Variants in HTRA3 observed in about 807,000 individuals in gnomAD.
HTRA3 encodes the protein HtrA serine peptidase 3.
HTRA3 carries 41 observed loss-of-function variants against 43.2 expected under a neutral mutation model. The observed-to-expected ratio is 0.95, with a 90% confidence interval of 0.74 to 1.23. HTRA3 has a LOEUF of 1.23. HTRA3 is among the 50% of genes most tolerant of loss of function. The pLI is 0.00. For synonymous variants in HTRA3, 295 were observed against 287.9 expected (o/e 1.02, Z -0.25); for missense variants, 628 against 647.1 (o/e 0.97, Z 0.32).
intron 2 of HTRA3, among the ~76,000 whole-genome samples, chr4:8,284,510 C>T (rs1712882005): frequency 6.6e-6 from 1 of 152,230 alleles, no homozygotes; most frequent in South Asian, 2.1e-4. Flanking sequence ...CCGGCTGTGA[C>T]CCCTGACCTG....
intron 1 of HTRA3, among the ~76,000 whole-genome samples, chr4:8,272,807 A>T (rs1712345070): frequency 6.6e-6 from 1 of 152,202 alleles, no homozygotes; most frequent in South Asian, 2.1e-4. Context: ...CCACGGAGCC[A>T]GGTGGGGAAA....
intron 1 of HTRA3, among the ~76,000 whole-genome samples, chr4:8,282,055 TGAG>T (rs1371880924): frequency 6.6e-6 from 1 of 152,116 alleles, no homozygotes; most frequent in Non-Finnish European, 1.5e-5. Context: ...TGCTGTAGCA[TGAG>T]GGAACAGACA....
At chr4:8,271,820 A>T (rs1400181861) in intron 1 of HTRA3, among the ~76,000 whole-genome samples, 1 of 151,920 alleles carries the variant, frequency 6.6e-6, no homozygotes, top group Non-Finnish European at 1.5e-5. Context: ...ACCTCCTAAC[A>T]CCCCACCTTT....
Position 8,306,170 on chromosome 4 carries a change from C to T in HTRA3, c.*34C>T. 6.5e-7 allele frequency: 1 copy of T among 1,537,024 alleles called. No homozygotes were observed. The highest frequency in any genetic ancestry group is 8.8e-7 in the Non-Finnish European group (1 of 1,137,086). ...TTCCTCCAGCGCCAAGCGTCAGAGC[C>T]TGCAGACAACGGAGGGCAGCGCCCC... is the stretch of plus-strand genomic sequence containing the variant. On this transcript the variant is annotated 3_prime_UTR_variant, in exon 9 of 9. Transcript: ENST00000307358. The surrounding 1 kb of genome is among the most constrained non-coding windows in gnomAD (Gnocchi z 8.9).
intron 5 of HTRA3, 102 bp downstream of exon 5, chr4:8,292,455 AAC>A (rs1713286760): frequency 3.0e-6 from 3 of 988,486 alleles, no homozygotes; most frequent in Admixed American, 4.0e-5. Flanking sequence ...ATGGTCCTAG[AAC>A]ATTTACACCA....
chr4:8,286,421 G>T lies in HTRA3; in HGVS notation c.486-140G>T. 1 of 710,086 alleles carries T rather than the reference G, an allele frequency of 1.4e-6. No individual in the cohort carries two copies. The highest frequency in any genetic ancestry group is 2.5e-5 in the East Asian group (1 of 39,330). The allele number at this position is 710,086 out of a possible 1,614,324, so 44.0% of individuals were successfully genotyped here. A position where few individuals can be genotyped will look rare whatever the true frequency, so the allele number is the denominator to read the frequency against. On this transcript the variant is annotated intron_variant, in intron 2 of 8. Coordinates refer to ENST00000307358, the MANE Select transcript of HTRA3 (RefSeq NM_053044.5). This position sits in a 1 kb window ranked among gnomAD's most constrained non-coding sequence, Gnocchi z 4.9. The stretch of plus-strand genomic sequence containing the variant: ...CAGGTCACAGGGCCAGGATTCAAAT[G>T]GGAGCTTGAGGGACTCCAGACCTGT...
At chr4:8,298,144 G>A (rs1013874870) in intron 6 of HTRA3, among the ~76,000 whole-genome samples, 2 of 152,158 alleles carry the variant, frequency 1.3e-5, no homozygotes, top group Non-Finnish European at 2.9e-5. Flanking sequence ...ATCCTCCACA[G>A]ACCCTCCCAC....
At chr4:8,294,478 G>A (rs1470465120) in intron 6 of HTRA3, among the ~76,000 whole-genome samples, 2 of 151,612 alleles carry the variant, frequency 1.3e-5, no homozygotes, top group Non-Finnish European at 2.9e-5. Context: ...GGGAATCTCC[G>A]AGCTCAGCTC....
intron 1 of HTRA3, among the ~76,000 whole-genome samples, chr4:8,274,109 G>A (rs1712420095): frequency 6.6e-6 from 1 of 152,238 alleles, no homozygotes; most frequent in South Asian, 2.1e-4. Flanking sequence ...TTGACTCACA[G>A]GGCCCTGTGC....
intron 6 of HTRA3, among the ~76,000 whole-genome samples, chr4:8,301,104 T>C (rs1056186755): frequency 6.6e-6 from 1 of 151,930 alleles, no homozygotes; most frequent in Admixed American, 6.6e-5. Context: ...TTATTATTGA[T>C]TCACACTCTC....
rs1267933563 is a variant in HTRA3 at position 8,297,332 on chromosome 4, C to G, written c.1051+3131C>G. 6.6e-6 allele frequency among the ~76,000 whole-genome samples: 1 copy of G among 152,114 alleles called. No homozygotes were observed. The highest frequency in any genetic ancestry group is 1.5e-5 in the Non-Finnish European group (1 of 68,012). On this transcript the variant is annotated intron_variant, in intron 6 of 8. Transcript: ENST00000307358. This position sits in a 1 kb window ranked among gnomAD's most constrained non-coding sequence, Gnocchi z 5.8. ...TGAGTCGTGCTTTCCCCAGCTCTGGCCCAGGGGCATTACCAGGCCTCTGCT... is the reference window on the plus strand; with the variant it reads ...TGAGTCGTGCTTTCCCCAGCTCTGGGCCAGGGGCATTACCAGGCCTCTGCT...
At chr4:8,285,306 G>A (rs567012091) in intron 2 of HTRA3, among the ~76,000 whole-genome samples, 5 of 152,326 alleles carry the variant, frequency 3.3e-5, no homozygotes, top group African/African-American at 1.2e-4. Flanking sequence ...CTTGCAGGGT[G>A]CCCATGAGCA....
chr4:8,281,083 A>G (rs1712724965), intron 1 of HTRA3, among the ~76,000 whole-genome samples: 1 of 152,126 alleles, frequency 6.6e-6, no homozygotes, highest in African/African-American at 2.4e-5. Flanking sequence ...AAATAGAGGA[A>G]AAGTTTCCTT....
intron 1 of HTRA3, among the ~76,000 whole-genome samples, chr4:8,270,960 G>A (rs1402082305): frequency 6.6e-6 from 1 of 152,210 alleles, no homozygotes; most frequent in African/African-American, 2.4e-5. Flanking sequence ...TGTACGTGGA[G>A]GAAAATGCTG....
chr4:8,288,682 CCT>C lies in HTRA3; in HGVS notation c.708+1900_708+1901del, dbSNP rs200621345. Among the ~76,000 whole-genome samples, 594 of 151,846 alleles carry C rather than the reference CCT, an allele frequency of 3.9e-3. 2 individuals carry two copies. Among genetic ancestry groups the C allele is most frequent in the African/African-American group, 0.014 (564 of 41,358 alleles). Reference sequence around the variant, plus strand: ...CCACCTCCCAGGTTCAAGTAATTCCCCTGTCTCAGTCTCCCAAGTAGCTGTGA... The same window carrying C: ...CCACCTCCCAGGTTCAAGTAATTCCCGTCTCAGTCTCCCAAGTAGCTGTGA... On this transcript the variant is annotated intron_variant, in intron 3 of 8. Coordinates refer to ENST00000307358, the MANE Select transcript of HTRA3 (RefSeq NM_053044.5).
At chr4:8,274,643 C>T (rs563340437) in intron 1 of HTRA3, among the ~76,000 whole-genome samples, 44 of 152,374 alleles carry the variant, frequency 2.9e-4, no homozygotes, top group African/African-American at 9.4e-4. Context: ...TAAGGCATCG[C>T]AGTTGCACAG....
At position 8,286,802 on chromosome 4, in the gene HTRA3, AG is replaced by A. The variant is rs748108060; in HGVS notation, c.708+23del. The A allele has an allele frequency of 1.9e-6, 3 of 1,584,096 alleles. No individual in the cohort carries two copies. The African/African-American group carries it at 4.0e-5, about 21-fold the overall frequency. On this transcript the variant is annotated intron_variant, in intron 3 of 8. Coordinates refer to ENST00000307358, the MANE Select transcript of HTRA3 (RefSeq NM_053044.5). The surrounding 1 kb of genome is among the most constrained non-coding windows in gnomAD (Gnocchi z 4.9). The stretch of plus-strand genomic sequence containing the variant: ...TCCCAAGGTGGGTGGGCGTGGGTGG[AG>A]GGGCGGAAGCACCTGGGGCTGGGCA...
chr4:8,296,427 G>A lies in HTRA3; in HGVS notation c.1051+2226G>A, dbSNP rs937704909. 2.5e-5 allele frequency: 25 copies of A among 985,322 alleles called. No homozygotes were observed. In the Middle Eastern group the frequency reaches 1.5e-3, roughly 61 times the overall value. The allele number at this position is 985,322 out of a possible 1,614,324, so 61.0% of individuals were successfully genotyped here. A position where few individuals can be genotyped will look rare whatever the true frequency, so the allele number is the denominator to read the frequency against. On this transcript the variant is annotated intron_variant, in intron 6 of 8. Coordinates refer to ENST00000307358, the MANE Select transcript of HTRA3 (RefSeq NM_053044.5). This position sits in a 1 kb window ranked among gnomAD's most constrained non-coding sequence, Gnocchi z 5.3. ...TAAAATCCTTCTGAAGTTGACTGGTGTTTGTACTTGCTTCTCTTTTTTATT... is the reference window on the plus strand; with the variant it reads ...TAAAATCCTTCTGAAGTTGACTGGTATTTGTACTTGCTTCTCTTTTTTATT...
chr4:8,278,292 G>A (rs1712608840), intron 1 of HTRA3, among the ~76,000 whole-genome samples: 1 of 151,650 alleles, frequency 6.6e-6, no homozygotes, highest in Non-Finnish European at 1.5e-5. Flanking sequence ...CTCCTGGGAT[G>A]TGACACCGGA....
Sources: gnomAD v4.1 joint callset for allele counts (sites outside exome capture counted in the v4.1 genomes callset) on GRCh38, gnomAD v4.1.1 for gene constraint, Gnocchi (gnomAD v3.1) non-coding constraint, MANE v1.5 for transcripts, NCBI Gene and HGNC (gene_info 2026-07-23, HGNC 2026-07-21) for gene names.